PSD3: variants seen among roughly 807,000 people sequenced by gnomAD.
The protein encoded by PSD3 is PH and SEC7 domain-containing protein 3.
PSD3 carries 49 observed loss-of-function variants against 105.5 expected under a neutral mutation model. The ratio of observed to expected loss-of-function variants is 0.46; its 90% CI spans 0.37 to 0.59. The LOEUF is 0.59. PSD3 is among the 20% of genes least tolerant of loss of function. PSD3 has a pLI of 0.00. For synonymous variants in PSD3, 557 were observed against 457.8 expected (o/e 1.22, Z -2.77); for missense variants, 1,561 against 1,263.8 (o/e 1.24, Z -3.57).
intron 8 of PSD3, among the ~76,000 whole-genome samples, chr8:18,769,402 G>GA (rs1456867290): frequency 6.6e-6 from 1 of 151,990 alleles, no homozygotes; most frequent in Non-Finnish European, 1.5e-5. Flanking sequence ...GTATAAAAAC[G>GA]AAAATTTTTC....
At chr8:18,892,175 T>TCACACACACACACACA (rs60102889) in intron 2 of PSD3, among the ~76,000 whole-genome samples, 24 of 149,974 alleles carry the variant, frequency 1.6e-4, no homozygotes, top group African/African-American at 5.4e-4. Context: ...TTACTTACAA[T>TCACACACACACACACA]CACACACACA....
chr8:18,831,513 G>T (rs368118024), intron 4 of PSD3, among the ~76,000 whole-genome samples: 1 of 152,148 alleles, frequency 6.6e-6, no homozygotes. Context: ...CCCGAGGTCC[G>T]GAGTTTGAGA....
intron 1 of PSD3, among the ~76,000 whole-genome samples, chr8:18,966,724 G>A (rs1333421324): frequency 3.9e-5 from 6 of 152,108 alleles, no homozygotes; most frequent in African/African-American, 4.8e-5. Context: ...CCAGGAGGAC[G>A]CAACGTTTCC....
At position 18,858,631 on chromosome 8, in the gene PSD3, TC is replaced by T. The variant is rs534238258; in HGVS notation, c.1634+9042del. On this transcript the variant is annotated intron_variant, in intron 4 of 15. Transcript: ENST00000327040. The stretch of plus-strand genomic sequence containing the variant: ...TATTAAGTTTATGAAATATTCCAAA[TC>T]CTTTGTAGTCATCTCAATGAGGTTC... 1.9e-3 allele frequency among the ~76,000 whole-genome samples: 293 copies of T among 152,184 alleles called. 1 individual carries two copies. The highest frequency in any genetic ancestry group is 3.1e-3 in the Non-Finnish European group (213 of 68,016).
intron 9 of PSD3, among the ~76,000 whole-genome samples, chr8:18,673,814 G>A (rs947603665): frequency 2.0e-5 from 3 of 152,204 alleles, no homozygotes; most frequent in African/African-American, 7.2e-5. Flanking sequence ...CAAAACCTCT[G>A]GATTAAACTT....
intron 10 of PSD3, among the ~76,000 whole-genome samples, chr8:18,650,956 C>G (rs2130834415): frequency 6.6e-6 from 1 of 152,260 alleles, no homozygotes; most frequent in Middle Eastern, 3.4e-3. Context: ...GGCCTTCCCA[C>G]CATACTGGAC....
intron 4 of PSD3, among the ~76,000 whole-genome samples, chr8:18,856,816 G>A (rs1311507797): frequency 7.2e-5 from 11 of 152,180 alleles, no homozygotes; most frequent in Non-Finnish European, 1.5e-5. Flanking sequence ...TGACTTTGAA[G>A]AGGTTTTAAA....
At chr8:18,790,339 G>A (rs546858781) in intron 8 of PSD3, among the ~76,000 whole-genome samples, 421 of 135,912 alleles carry the variant, frequency 3.1e-3, no homozygotes, top group Non-Finnish European at 5.3e-3. Context: ...AGTCTTGCTC[G>A]CTGCCCAAGC....
chr8:18,843,486 G>A (rs1377550453), intron 4 of PSD3, among the ~76,000 whole-genome samples: 1 of 152,052 alleles, frequency 6.6e-6, no homozygotes, highest in Non-Finnish European at 1.5e-5. Context: ...AATATAAGAG[G>A]TATTAGGAAA....
At chr8:18,699,722 T>C (rs1801463086) in intron 9 of PSD3, among the ~76,000 whole-genome samples, 2 of 151,038 alleles carry the variant, frequency 1.3e-5, no homozygotes. Context: ...TTATAAACTT[T>C]TGGATAGGCA....
At chr8:18,658,565 C>A (rs986304807) in intron 9 of PSD3, among the ~76,000 whole-genome samples, 1 of 150,134 alleles carries the variant, frequency 6.7e-6, no homozygotes, top group Admixed American at 6.7e-5. Flanking sequence ...CTTGGTCACC[C>A]GGGCTGGAGT....
At chr8:18,614,588 T>G (rs1021631234) in intron 11 of PSD3, among the ~76,000 whole-genome samples, 9 of 151,914 alleles carry the variant, frequency 5.9e-5, no homozygotes, top group African/African-American at 1.7e-4. Context: ...TTACTGTGGG[T>G]TTTCATGGGT....
chr8:18,836,056 G>C (rs1386394309), intron 4 of PSD3, among the ~76,000 whole-genome samples: 1 of 152,196 alleles, frequency 6.6e-6, no homozygotes, highest in Admixed American at 6.5e-5. Flanking sequence ...TGGTAACACA[G>C]TTGAGATATG....
chr8:18,841,456 T>C (rs1301743719), intron 4 of PSD3, among the ~76,000 whole-genome samples: 1 of 129,396 alleles, frequency 7.7e-6, no homozygotes, highest in African/African-American at 3.2e-5. Context: ...TTTAAGAGTG[T>C]CTGCTATTTA....
chr8:18,913,086 AACACACACAC>A (rs72253853), intron 2 of PSD3, among the ~76,000 whole-genome samples: 32 of 130,542 alleles, frequency 2.5e-4, no homozygotes, highest in South Asian at 1.6e-3. Context: ...CACACACACA[AACACACACAC>A]ACACACACAC....
chr8:18,617,924 C>T (rs931907671), intron 11 of PSD3, among the ~76,000 whole-genome samples: 2 of 152,142 alleles, frequency 1.3e-5, no homozygotes, highest in East Asian at 3.9e-4. Context: ...TCTGCAAAGC[C>T]GTCTCTAGTG....
chr8:18,993,522 G>A (rs1034982019), intron 1 of PSD3, among the ~76,000 whole-genome samples: 4 of 152,012 alleles, frequency 2.6e-5, no homozygotes, highest in African/African-American at 9.7e-5. Context: ...TTAACACAAG[G>A]TTTGGCAGAT....
At chr8:18,710,517 A>T (rs1296687322) in intron 9 of PSD3, among the ~76,000 whole-genome samples, 1 of 152,128 alleles carries the variant, frequency 6.6e-6, no homozygotes, top group Non-Finnish European at 1.5e-5. Flanking sequence ...ACTCCATGAG[A>T]AGAACAACTC....
chr8:18,892,839 G>A (rs1427297991), intron 2 of PSD3, among the ~76,000 whole-genome samples: 1 of 151,626 alleles, frequency 6.6e-6, no homozygotes, highest in South Asian at 2.1e-4. Flanking sequence ...TGGCCAGGCT[G>A]GTCTCAAACT....
Sources: allele counts gnomAD v4.1 joint callset (sites outside exome capture counted in the v4.1 genomes callset), GRCh38; gene constraint gnomAD v4.1.1; transcripts MANE v1.5; gene names NCBI Gene and HGNC (gene_info 2026-07-23, HGNC 2026-07-21).